The following LAMB1 variants were observed in gnomAD, a reference collection of about 807,000 sequenced individuals.
LAMB1 encodes laminin subunit beta 1.
LAMB1 carries 121 observed loss-of-function variants against 222.3 expected under a neutral mutation model. That is an observed-to-expected ratio of 0.54 (90% CI 0.47 to 0.63). LAMB1 has a LOEUF of 0.63. LAMB1 is among the 30% of genes least tolerant of loss of function. The pLI, the probability that LAMB1 is intolerant of heterozygous loss-of-function variation, is 0.00. For synonymous variants in LAMB1, 794 were observed against 807.2 expected (o/e 0.98, Z 0.28); for missense variants, 2,172 against 2,240.8 (o/e 0.97, Z 0.62).
At chr7:108,001,996 C>A (rs912076784) in intron 2 of LAMB1, 1 of 1,444,092 alleles carries the variant, frequency 6.9e-7, no homozygotes, top group Non-Finnish European at 9.1e-7. Context: ...CCGGGAAACC[C>A]ACCGACGCTC....
chr7:107,929,881 G>T (rs1562973536), intron 29 of LAMB1: 1 of 514,318 alleles, frequency 1.9e-6, no homozygotes, highest in African/African-American at 1.9e-5. Context: ...CGTGGAAGAT[G>T]AGGAGCTGAT....
intron 20 of LAMB1, 37 bp downstream of exon 20, chr7:107,959,212 G>C (rs774064086): frequency 2.6e-6 from 4 of 1,531,538 alleles, no homozygotes; most frequent in Non-Finnish European, 3.6e-6. Context: ...CTCAGCCAGA[G>C]ATCACTACAT....
intron 17 of LAMB1, 123 bp from the exon 18 acceptor site, chr7:107,960,772 A>G (rs1346701907): frequency 2.7e-6 from 2 of 747,584 alleles, no homozygotes; most frequent in Middle Eastern, 3.3e-4. Context: ...CATTAGACTC[A>G]TTAAATAAAG....
intron 26 of LAMB1, among the ~76,000 whole-genome samples, 162 bp downstream of exon 26, chr7:107,936,931 G>A (rs1054957998): frequency 2.0e-5 from 3 of 152,022 alleles, no homozygotes; most frequent in Non-Finnish European, 2.9e-5. Flanking sequence ...TCCCACATTT[G>A]TAAAATGGGG....
intron 13 of LAMB1, among the ~76,000 whole-genome samples, chr7:107,968,863 A>G (rs1386353146): frequency 6.6e-6 from 1 of 152,246 alleles, no homozygotes; most frequent in Non-Finnish European, 1.5e-5. Context: ...TATTTGACAC[A>G]TAGAACTGGA....
chr7:107,931,408 C>G lies in LAMB1; in HGVS notation c.4485G>C (p.Lys1495Asn), dbSNP rs1327301267. The part of the protein sequence containing the change: ...KTNATKEKMD[K>N]SNEELRNLIK... ...TTAGATTTCTCAGCTCCTCATTGCT[C>G]TTGTCCATTTTTTCTTTGGTAGCAT... The change falls in exon 29 of 34, where the codon AAG (lysine) becomes AAC (asparagine). Residue 1495 changes from lysine to asparagine, a missense_variant. By Grantham distance (94) the Lys-to-Asn change is moderately conservative (BLOSUM62 0). Coordinates refer to ENST00000222399, the MANE Select transcript of LAMB1 (RefSeq NM_002291.3). 6.2e-7 allele frequency: 1 copy of G among 1,613,850 alleles called. No homozygotes were observed. The highest frequency in any genetic ancestry group is 1.7e-5 in the Admixed American group (1 of 60,020).
chr7:107,959,723 C>T lies in LAMB1; in HGVS notation c.2426G>A (p.Gly809Glu). The T allele has an allele frequency of 1.2e-6, 2 of 1,614,200 alleles. No homozygotes were observed. The highest frequency in any genetic ancestry group is 1.7e-6 in the Non-Finnish European group (2 of 1,180,034). Residue 809 changes from glycine to glutamate, a missense_variant, in exon 19 of 34, where the codon GGA becomes GAA. Transcript: ENST00000222399. Reference sequence around the variant, plus strand: ...TCCACTGGGGCCAAAGCCAAAAGTTCCAGGTGCACATCTGTTGCAGGTTCT... The same window carrying T: ...TCCACTGGGGCCAAAGCCAAAAGTTTCAGGTGCACATCTGTTGCAGGTTCT... ...VGRTCNRCAP[G>E]TFGFGPSGCK...
chr7:107,959,243 G>T lies in LAMB1; in HGVS notation c.2690+6C>A. ...TACATTCTCCTTACTTTCAGCATCT[G>T]CATACCTTTCACAGTTATGACCCAT... On this transcript the variant is annotated splice_donor_region_variant and intron_variant, in intron 20 of 33. Transcript: ENST00000222399. The T allele has an allele frequency of 1.2e-6, 2 of 1,603,802 alleles. No homozygotes were observed. Among genetic ancestry groups the T allele is most frequent in the South Asian group, 1.1e-5 (1 of 90,756 alleles).
chr7:107,927,398 C>T (rs1012636783), intron 31 of LAMB1, among the ~76,000 whole-genome samples: 6 of 144,132 alleles, frequency 4.2e-5, no homozygotes, highest in Admixed American at 1.4e-4. Flanking sequence ...ATCATCAAGC[C>T]ACATCTCACC....
intron 13 of LAMB1, among the ~76,000 whole-genome samples, chr7:107,971,457 T>G (rs552071224): frequency 6.6e-6 from 1 of 152,346 alleles, no homozygotes; most frequent in South Asian, 2.1e-4. Flanking sequence ...GTGCTTCAGT[T>G]GACCCTGCCT....
At chr7:107,935,363 T>TG in intron 27 of LAMB1, 52 bp downstream of exon 27, 1 of 1,248,530 alleles carries the variant, frequency 8.0e-7, no homozygotes, top group East Asian at 3.1e-5. Context: ...TTTTTTTTTT[T>TG]TTTTTTTTTT....
At chr7:107,965,367 G>A (rs534479142) in intron 13 of LAMB1, among the ~76,000 whole-genome samples, 8 of 152,296 alleles carry the variant, frequency 5.3e-5, no homozygotes, top group South Asian at 4.1e-4. Context: ...ATCACCTGAG[G>A]TTGGGAGTTC....
At chr7:107,957,352 T>C (rs1044857462) in intron 20 of LAMB1, among the ~76,000 whole-genome samples, 2 of 151,650 alleles carry the variant, frequency 1.3e-5, no homozygotes, top group East Asian at 1.9e-4. Context: ...GATCGCACCA[T>C]TGCACTCCAG....
chr7:107,984,154 C>T (rs749492110), intron 7 of LAMB1, among the ~76,000 whole-genome samples: 3 of 152,180 alleles, frequency 2.0e-5, no homozygotes, highest in Admixed American at 6.5e-5. Context: ...CATGAAACAC[C>T]TAGAGATGTT....
intron 28 of LAMB1, 52 bp from the exon 29 acceptor site, chr7:107,931,552 A>G: frequency 6.6e-7 from 1 of 1,514,750 alleles, no homozygotes; most frequent in Non-Finnish European, 9.0e-7. Flanking sequence ...TTTCTAAAGG[A>G]GACCAGAATA....
At chr7:107,966,647 T>G (rs533238786) in intron 13 of LAMB1, among the ~76,000 whole-genome samples, 16 of 152,232 alleles carry the variant, frequency 1.1e-4, no homozygotes, top group Non-Finnish European at 2.4e-4. Flanking sequence ...TTACATCATA[T>G]GGACAAAAGA....
At chr7:107,945,914 C>T (rs1296535073) in intron 24 of LAMB1, among the ~76,000 whole-genome samples, 1 of 152,170 alleles carries the variant, frequency 6.6e-6, no homozygotes, top group Non-Finnish European at 1.5e-5. Flanking sequence ...AAAGTTTGTG[C>T]CACTTACTTT....
Position 107,937,102 on chromosome 7 carries a change from C to T in LAMB1, c.3937G>A (p.Asp1313Asn). Reference protein sequence around the residue: ...AEQLEFIKNSDIRGALDSITK... With the variant: ...AEQLEFIKNSNIRGALDSITK... The stretch of plus-strand genomic sequence containing the variant: ...ACCAAAAAATGCTCACCCCGAATAT[C>T]TGAGTTTTTGATAAATTCCAGTTGT... The change falls in exon 26 of 34, where the codon GAT becomes AAT. Residue 1313 changes from aspartate to asparagine, a missense_variant. Coordinates refer to ENST00000222399, the MANE Select transcript of LAMB1 (RefSeq NM_002291.3). The T allele has an allele frequency of 4.3e-6, 7 of 1,613,668 alleles. No individual in the cohort carries two copies. Among genetic ancestry groups the T allele is most frequent in the Non-Finnish European group, 5.9e-6 (7 of 1,179,758 alleles).
At position 107,986,288 on chromosome 7, in the gene LAMB1, C is replaced by T. The variant is rs143131883; in HGVS notation, c.499G>A (p.Ala167Thr). Reference protein sequence around the residue: ...GKTWGVYRYFAYDCEASFPGI... With the variant: ...GKTWGVYRYFTYDCEASFPGI... ...GGAAACGAGGCCTCACAGTCATAGG[C>T]GAAGTATCTATACACACCCCAGGTT... The change falls in exon 6 of 34, where the codon GCC (alanine) becomes ACC (threonine). Residue 167 changes from alanine to threonine, a missense_variant. Physicochemically the swap from Ala to Thr is moderately conservative, Grantham distance 58. Transcript: ENST00000222399. 29 of 1,613,958 alleles carry T rather than the reference C, an allele frequency of 1.8e-5. 1 individual carries two copies. In the East Asian group the frequency reaches 5.8e-4, roughly 32 times the overall value.
Sources: allele counts gnomAD v4.1 joint callset (sites outside exome capture counted in the v4.1 genomes callset), GRCh38; gene constraint gnomAD v4.1.1; transcripts MANE v1.5; gene names NCBI Gene and HGNC (gene_info 2026-07-23, HGNC 2026-07-21).